Variants in ITIH5 observed in about 807,000 individuals in gnomAD.
The protein encoded by ITIH5 is inter-alpha-trypsin inhibitor heavy chain H5.
A neutral mutation model predicts 77.5 loss-of-function variants in ITIH5; 65 were observed. That is an observed-to-expected ratio of 0.84 (90% confidence interval 0.69 to 1.03). ITIH5 has a LOEUF of 1.03. Ranked by LOEUF, ITIH5 falls within the 50% of genes least tolerant of loss-of-function variation. The pLI, the probability that ITIH5 is intolerant of heterozygous loss-of-function variation, is 0.00. For missense variants in ITIH5, 1,208 were observed against 1,213.1 expected, an observed-to-expected ratio of 1.00 and a Z score of 0.06; for synonymous variants, 525 against 494.3, an observed-to-expected ratio of 1.06 and a Z score of -0.82.
chr10:7,659,482 C>A (rs1031202253), intron 1 of ITIH5, among the ~76,000 whole-genome samples: 10 of 152,162 alleles, frequency 6.6e-5, no homozygotes, highest in African/African-American at 2.4e-4. Flanking sequence ...GGACCCTGGG[C>A]AAGTTCTTTA....
intron 5 of ITIH5, among the ~76,000 whole-genome samples, chr10:7,627,004 A>G (rs901553449): frequency 2.0e-5 from 3 of 152,222 alleles, no homozygotes; most frequent in African/African-American, 7.2e-5. Flanking sequence ...AGTTCCTTCA[A>G]CAAACACCTG....
chr10:7,610,236 AC>A (rs1833217685), intron 7 of ITIH5, among the ~76,000 whole-genome samples: 1 of 151,828 alleles, frequency 6.6e-6, no homozygotes, highest in African/African-American at 2.4e-5. Flanking sequence ...GTGCCAGCAA[AC>A]CTCAGGCAGC....
rs893790268 is a variant in ITIH5, at chr10:7,608,028, T to C, written c.939+7954A>G. On this transcript the variant is annotated intron_variant, in intron 7 of 13. Coordinates refer to ENST00000397146, the MANE Select transcript of ITIH5 (RefSeq NM_030569.7). ...AAGCAGGTGGACCCGACGCTCTCTG[T>C]TGTCGATTTTTATTTGCATGATAGC... Among the ~76,000 whole-genome samples, 6 of 152,306 alleles carry C rather than the reference T, an allele frequency of 3.9e-5. No homozygotes were observed. The South Asian group carries it at 6.2e-4, about 16-fold the overall frequency.
At chr10:7,643,765 CAT>C (rs1833924669) in intron 2 of ITIH5, among the ~76,000 whole-genome samples, 1 of 152,204 alleles carries the variant, frequency 6.6e-6, no homozygotes, top group South Asian at 2.1e-4. Flanking sequence ...CTATCAAAGA[CAT>C]ATTCCTGCTG....
In ITIH5 at chr10:7,579,890, C is replaced by G. The variant is rs776957859; in HGVS notation, c.1283G>C (p.Arg428Pro). The G allele has an allele frequency of 1.2e-6, 2 of 1,614,084 alleles. No individual in the cohort carries two copies. The highest frequency in any genetic ancestry group is 2.2e-5 in the East Asian group (1 of 44,898). Residue 428 changes from arginine (R) to proline (P), a missense_variant, in exon 9 of 14, where the codon CGA becomes CCA. By Grantham distance (103) the Arg-to-Pro change is moderately radical. Transcript: ENST00000397146. ...KILNNTREAA[R>P]GQVCIFTIGI... ...AATGGTGAAGATGCAGACTTGGCCT[C>G]GGGCGGCCTCTCGGGTGTTGTTGAG...
chr10:7,636,758 A>G (rs780674329), intron 5 of ITIH5, among the ~76,000 whole-genome samples: 11 of 152,106 alleles, frequency 7.2e-5, no homozygotes, highest in Non-Finnish European at 1.5e-4. Context: ...TTTATTTTTA[A>G]TAAAAAAAAA....
chr10:7,607,935 A>C (rs1276294940), intron 7 of ITIH5, among the ~76,000 whole-genome samples: 1 of 152,212 alleles, frequency 6.6e-6, no homozygotes, highest in African/African-American at 2.4e-5. Flanking sequence ...CTCTTCTGAT[A>C]TTTCCTTCTG....
rs765738954 is a variant in ITIH5 at position 7,576,525 on chromosome 10, C to G, written c.1906G>C (p.Ala636Pro). 4 of 1,612,400 alleles carry G rather than the reference C, an allele frequency of 2.5e-6. No homozygotes were observed. The African/African-American group carries it at 5.3e-5, about 22-fold the overall frequency. Residue 636 changes from alanine (A) to proline (P), a missense_variant, in exon 10 of 14, where the codon GCC (alanine) becomes CCC (proline). Ala to Pro is a conservative substitution (Grantham distance 27). Coordinates refer to ENST00000397146, the MANE Select transcript of ITIH5 (RefSeq NM_030569.7). ...CCCATGGCAGCCGACATGCCGTGGG[C>G]CTCCTCCAGGCCATCCATGCGTGGG... ...PVPRMDGLEE[A>P]HGMSAAMGPE...
chr10:7,620,489 A>C (rs1022986), intron 5 of ITIH5: 47,569 of 152,096 alleles, frequency 0.31, 7,717 homozygotes, highest in South Asian at 0.37. Flanking sequence ...AAGGGTGAAA[A>C]TATTCCATGT....
chr10:7,569,507 A>G (rs1026962192), intron 12 of ITIH5, 161 bp downstream of exon 12: 9 of 466,194 alleles, frequency 1.9e-5, no homozygotes, highest in African/African-American at 1.4e-4. Context: ...AGTCGGATGC[A>G]TAAGTCCAGG....
chr10:7,574,282 GA>G (rs1289587484), intron 10 of ITIH5, among the ~76,000 whole-genome samples: 1 of 152,156 alleles, frequency 6.6e-6, no homozygotes, highest in Non-Finnish European at 1.5e-5. Context: ...AGAAATTAAA[GA>G]GTGAGATATC....
chr10:7,560,443 C>A lies in ITIH5; in HGVS notation c.*2640G>T, dbSNP rs1324821077. 3 of 152,238 alleles carry A rather than the reference C, an allele frequency of 2.0e-5. No homozygotes were observed. Among genetic ancestry groups the A allele is most frequent in the Admixed American group, 2.0e-4 (3 of 15,286 alleles). The allele number at this position is 152,238 out of a possible 1,614,324, so 9.4% of individuals were successfully genotyped here. A position where few individuals can be genotyped will look rare whatever the true frequency, so the allele number is the denominator to read the frequency against. On this transcript the variant is annotated 3_prime_UTR_variant, in exon 14 of 14. Coordinates refer to ENST00000397146, the MANE Select transcript of ITIH5 (RefSeq NM_030569.7). ...GGTGCCCACTCCGATTCCCAGTCCC[C>A]GGCCTCCTCAGCACAGCTGTGGCAC...
intron 1 of ITIH5, among the ~76,000 whole-genome samples, chr10:7,662,554 C>A (rs538393871): frequency 6.6e-6 from 1 of 152,322 alleles, no homozygotes; most frequent in East Asian, 1.9e-4. Flanking sequence ...GCATTCCCAG[C>A]AGCTACGCTG....
Position 7,566,346 on chromosome 10 carries a change from C to T in ITIH5, c.2211G>A (p.Gln737=). 1.2e-6 allele frequency: 2 copies of T among 1,608,830 alleles called. No homozygotes were observed. The highest frequency in any genetic ancestry group is 1.3e-5 in the African/African-American group (1 of 74,928). Reference sequence around the variant, plus strand: ...TGGTGATAGTGCGCAAGTAAGTGCGCTGTTTCTTGTGGCCATTTGGAGGGG... The same window carrying T: ...TGGTGATAGTGCGCAAGTAAGTGCGTTGTTTCTTGTGGCCATTTGGAGGGG... ...APAPPNGHKK[Q]RTYLRTITIL... is the part of the protein sequence containing the mutation. Residue 737 remains glutamine (Q), a synonymous_variant, in exon 13 of 14, where the codon CAG becomes CAA. Coordinates refer to ENST00000397146, the MANE Select transcript of ITIH5 (RefSeq NM_030569.7).
chr10:7,620,859 C>T (rs1536493), intron 5 of ITIH5: 22,556 of 152,192 alleles, frequency 0.15, 1,776 homozygotes, highest in East Asian at 0.26. Flanking sequence ...TTGGGATCGG[C>T]CGCCTTCACA....
At position 7,586,151 on chromosome 10, in the gene ITIH5, C is replaced by G. The variant is rs1025956492; in HGVS notation, c.940-82G>C. The G allele has an allele frequency of 1.6e-5, 20 of 1,260,362 alleles. No individual in the cohort carries two copies. The African/African-American group carries it at 2.0e-4, about 12-fold the overall frequency. 78.1% of individuals were successfully genotyped at this position (1,260,362 alleles called of 1,614,324 possible). Reference sequence around the variant, plus strand: ...CCTGTTCTAGAAACCGCCCCCGCCCCCCAGGAAAAATGTCAGGGTTCAAAT... The same window carrying G: ...CCTGTTCTAGAAACCGCCCCCGCCCGCCAGGAAAAATGTCAGGGTTCAAAT... On this transcript the variant is annotated intron_variant, in intron 7 of 13. Transcript: ENST00000397146.
intron 7 of ITIH5, among the ~76,000 whole-genome samples, chr10:7,609,748 G>A (rs1833203800): frequency 6.6e-6 from 1 of 152,196 alleles, no homozygotes. Context: ...GACACAGAGT[G>A]TGGGAACAGG....
intron 5 of ITIH5, chr10:7,621,605 A>T (rs1384894590): frequency 6.6e-6 from 1 of 152,180 alleles, no homozygotes; most frequent in African/African-American, 2.4e-5. Flanking sequence ...AATGTGACCC[A>T]ATAAATTTTT....
chr10:7,570,728 T>C (rs186195422), intron 11 of ITIH5, among the ~76,000 whole-genome samples: 2 of 152,262 alleles, frequency 1.3e-5, no homozygotes, highest in East Asian at 3.9e-4. Context: ...GCTCAAACGG[T>C]CCTCCCACCT....
Sources: gnomAD v4.1 joint callset for allele counts (sites outside exome capture counted in the v4.1 genomes callset) on GRCh38, gnomAD v4.1.1 for gene constraint, MANE v1.5 for transcripts, NCBI Gene and HGNC (gene_info 2026-07-23, HGNC 2026-07-21) for gene names.